The following SPHK2 variants were observed in gnomAD, a reference collection of about 807,000 sequenced individuals.
The protein encoded by SPHK2 is sphingosine kinase 2.
SPHK2 carries 18 observed loss-of-function variants against 32.3 expected under a neutral mutation model. The ratio of observed to expected loss-of-function variants is 0.56; its 90% CI spans 0.39 to 0.83. The LOEUF (loss-of-function observed/expected upper bound fraction) is 0.83. SPHK2 is among the 40% of genes least tolerant of loss of function. The pLI is 0.00. For synonymous variants in SPHK2, 462 were observed against 417.6 expected, an observed-to-expected ratio of 1.11 and a Z score of -1.30; for missense variants, 850 against 908.7, an observed-to-expected ratio of 0.94 and a Z score of 0.83.
In SPHK2 at chr19:48,629,623, C is replaced by A. The variant is rs768300835; in HGVS notation, c.1815C>A (p.Ala605=). 22 of 1,599,408 alleles carry A rather than the reference C, an allele frequency of 1.4e-5. No individual in the cohort carries two copies. Among genetic ancestry groups the A allele is most frequent in the Non-Finnish European group, 1.9e-5 (22 of 1,173,820 alleles). Residue 605 remains alanine (A), a synonymous_variant, in exon 7 of 7, where the codon GCC becomes GCA. Transcript: ENST00000245222. ...GTCCGCAGCTGGGCTACGCCGCGGC[C>A]CGTGCCTTCCGCCTAGAGCCGCTCA... ...LGCPQLGYAA[A]RAFRLEPLTP...
Position 48,629,877 on chromosome 19 carries a change from G to A in SPHK2, c.*104G>A, listed in dbSNP as rs1001582568. ...GGCTGCTAGAGTTGTGGTGGCAGGG[G>A]CCCTGGCCCCGTCTCAGGATTGCGC... On this transcript the variant is annotated 3_prime_UTR_variant, in exon 7 of 7. Coordinates refer to ENST00000245222, the MANE Select transcript of SPHK2 (RefSeq NM_020126.5). The A allele has an allele frequency of 4.8e-5, 70 of 1,459,942 alleles. No homozygotes were observed. The highest frequency in any genetic ancestry group is 5.8e-5 in the Non-Finnish European group (64 of 1,106,646). 90.4% of individuals were successfully genotyped at this position (1,459,942 alleles called of 1,614,324 possible). A position where few individuals can be genotyped will look rare whatever the true frequency, so the allele number is the denominator to read the frequency against.
rs748169874 is a variant in SPHK2 at position 48,629,167 on chromosome 19, G to A, written c.1359G>A (p.Leu453=). The A allele has an allele frequency of 6.2e-7, 1 of 1,613,280 alleles. No homozygotes were observed. The highest frequency in any genetic ancestry group is 1.3e-5 in the African/African-American group (1 of 74,924). The change falls in exon 7 of 7, where the codon CTG becomes CTA. Residue 453 remains leucine, a synonymous_variant. Coordinates refer to ENST00000245222, the MANE Select transcript of SPHK2 (RefSeq NM_020126.5). The part of the protein sequence containing the change: ...ILSLNGGGPE[L]AGDWGGAGDA... The stretch of plus-strand genomic sequence containing the variant: ...CCCTCAACGGTGGGGGCCCAGAGCT[G>A]GCTGGGGACTGGGGTGGGGCTGGGG...
At chr19:48,620,215 C>A (rs1336469817) in intron 1 of SPHK2, among the ~76,000 whole-genome samples, 187 bp from the exon 2 acceptor site, 1 of 152,200 alleles carries the variant, frequency 6.6e-6, no homozygotes, top group African/African-American at 2.4e-5. Flanking sequence ...AGCCTTCACT[C>A]CTATTATAGC....
In SPHK2 at chr19:48,629,309, C is replaced by G; in HGVS notation, c.1501C>G (p.Leu501Val). Residue 501 changes from leucine to valine, a missense_variant, in exon 7 of 7, where the codon CTT (leucine) becomes GTT (valine). Coordinates refer to ENST00000245222, the MANE Select transcript of SPHK2 (RefSeq NM_020126.5). ...AATTCCCCCATCCTCTGGGCTCCCA[C>G]TTCCCACCCCTGATGCCCGGGTAGG... ...PVIPPSSGLP[L>V]PTPDARVGAS... The G allele has an allele frequency of 7.4e-6, 12 of 1,613,432 alleles. No homozygotes were observed. The highest frequency in any genetic ancestry group is 1.0e-5 in the Non-Finnish European group (12 of 1,179,972).
chr19:48,625,286 T>C, intron 2 of SPHK2: 1 of 1,107,700 alleles, frequency 9.0e-7, no homozygotes, highest in Non-Finnish European at 1.1e-6. Flanking sequence ...TTTCATCGCC[T>C]GAGTTTCACC....
chr19:48,629,755 C>A lies in SPHK2; in HGVS notation c.1947C>A (p.Cys649Ter). Reference sequence around the variant, plus strand: ...CACTGCTCACTGGGCCTCCTGGCTGCCCGGGGCGGGAGCCCTGAAACTAAA... The same window carrying A: ...CACTGCTCACTGGGCCTCCTGGCTGACCGGGGCGGGAGCCCTGAAACTAAA... ...IGTLLTGPPG[C>*]PGREP Residue 649 changes from cysteine (C) to a stop codon, truncating the protein, a stop_gained, in exon 7 of 7, where the codon TGC (cysteine) becomes TGA (stop). Transcript: ENST00000245222. LOFTEE classifies it high-confidence loss of function. The A allele has an allele frequency of 6.3e-7, 1 of 1,579,444 alleles. No homozygotes were observed. The highest frequency in any genetic ancestry group is 2.3e-5 in the East Asian group (1 of 44,312).
chr19:48,629,869 T>G lies in SPHK2; in HGVS notation c.*96T>G. On this transcript the variant is annotated 3_prime_UTR_variant, in exon 7 of 7. Coordinates refer to ENST00000245222, the MANE Select transcript of SPHK2 (RefSeq NM_020126.5). ...TGTGGCCTGGCTGCTAGAGTTGTGG[T>G]GGCAGGGGCCCTGGCCCCGTCTCAG... 6.8e-7 allele frequency: 1 copy of G among 1,467,150 alleles called. No individual in the cohort carries two copies. The highest frequency in any genetic ancestry group is 1.4e-5 in the African/African-American group (1 of 70,490). The allele number at this position is 1,467,150 out of a possible 1,614,324, so 90.9% of individuals were successfully genotyped here. A position where few individuals can be genotyped will look rare whatever the true frequency, so the allele number is the denominator to read the frequency against.
In SPHK2 at chr19:48,629,199, C is replaced by A. The variant is rs147050661; in HGVS notation, c.1391C>A (p.Pro464Gln). 2.5e-6 allele frequency: 4 copies of A among 1,613,368 alleles called. No homozygotes were observed. Among genetic ancestry groups the A allele is most frequent in the African/African-American group, 1.3e-5 (1 of 74,930 alleles). ...AGDWGGAGDA[P>Q]LSPDPLLSSP... ...GACTGGGGTGGGGCTGGGGATGCTC[C>A]GCTGTCCCCGGACCCACTGCTGTCT... is the stretch of plus-strand genomic sequence containing the variant. The change falls in exon 7 of 7, where the codon CCG (proline) becomes CAG (glutamine). Residue 464 changes from proline to glutamine, a missense_variant. By Grantham distance (76) the Pro-to-Gln change is moderately conservative. Transcript: ENST00000245222.
At position 48,626,170 on chromosome 19, in the gene SPHK2, A is replaced by C; in HGVS notation, c.319A>C (p.Ser107Arg). The C allele has an allele frequency of 6.3e-7, 1 of 1,595,856 alleles. No individual in the cohort carries two copies. The highest frequency in any genetic ancestry group is 1.7e-5 in the Admixed American group (1 of 58,344). The part of the protein sequence containing the change: ...VSGCCTLRSR[S>R]PSDSAAYFCI... ...AGGCTGCTGCACCCTGCGAAGCCGC[A>C]GCCCCTCAGACTCAGCGGCCTACTT... The change falls in exon 3 of 7, where the codon AGC becomes CGC. Residue 107 changes from serine (S) to arginine (R), a missense_variant. By Grantham distance (110) the Ser-to-Arg change is moderately radical. Transcript: ENST00000245222.
rs374513451 is a variant in SPHK2, at chr19:48,628,330, G to A, written c.872+53G>A. On this transcript the variant is annotated intron_variant, in intron 6 of 6. Coordinates refer to ENST00000245222, the MANE Select transcript of SPHK2 (RefSeq NM_020126.5). This position sits in a 1 kb window ranked among gnomAD's most constrained non-coding sequence, Gnocchi z 5.2. Reference sequence around the variant, plus strand: ...GATGAGCCCCTCCTGGGGTGATAGGGACCCCTATATCTCCCACTCAGCCAA... The same window carrying A: ...GATGAGCCCCTCCTGGGGTGATAGGAACCCCTATATCTCCCACTCAGCCAA... 373 of 1,510,432 alleles carry A rather than the reference G, an allele frequency of 2.5e-4. 2 individuals carry two copies. The African/African-American group carries it at 4.3e-3, about 17-fold the overall frequency. The allele number at this position is 1,510,432 out of a possible 1,614,324, so 93.6% of individuals were successfully genotyped here. A position where few individuals can be genotyped will look rare whatever the true frequency, so the allele number is the denominator to read the frequency against.
chr19:48,625,375 TG>T (rs1407297495), intron 2 of SPHK2: 1 of 1,156,228 alleles, frequency 8.6e-7, no homozygotes, highest in Non-Finnish European at 1.1e-6. Context: ...ATTGTTTTGC[TG>T]TTTTACCCAC....
Position 48,626,198 on chromosome 19 carries a change from G to T in SPHK2, c.347G>T (p.Cys116Phe). The T allele has an allele frequency of 6.3e-7, 1 of 1,595,384 alleles. No individual in the cohort carries two copies. Among genetic ancestry groups the T allele is most frequent in the Non-Finnish European group, 8.5e-7 (1 of 1,174,180 alleles). The change falls in exon 3 of 7, where the codon TGC becomes TTC. Residue 116 changes from cysteine to phenylalanine, a missense_variant. Cys to Phe is a radical substitution (Grantham distance 205). Around this residue, in one of 2 missense-constraint regions of SPHK2, gnomAD observed 544 missense variants for 640.0 expected, o/e 0.85. Transcript: ENST00000245222. Reference protein sequence around the residue: ...RSPSDSAAYFCIYTYPRGRRG... With the variant: ...RSPSDSAAYFFIYTYPRGRRG... ...CCCTCAGACTCAGCGGCCTACTTCTGCATCTACACCTACCCTCGGGGCCGG... is the reference window on the plus strand; with the variant it reads ...CCCTCAGACTCAGCGGCCTACTTCTTCATCTACACCTACCCTCGGGGCCGG...
chr19:48,627,989 G>C lies in SPHK2; in HGVS notation c.676G>C (p.Ala226Pro). The C allele has an allele frequency of 6.3e-7, 1 of 1,586,624 alleles. No homozygotes were observed. The highest frequency in any genetic ancestry group is 8.6e-7 in the Non-Finnish European group (1 of 1,163,384). The change falls in exon 5 of 7, where the codon GCC becomes CCC. Residue 226 changes from alanine (A) to proline (P), a missense_variant. Coordinates refer to ENST00000245222, the MANE Select transcript of SPHK2 (RefSeq NM_020126.5). The stretch of plus-strand genomic sequence containing the variant: ...TCCCACTTCAGAACGACAGAACCAC[G>C]CCCGGGAGCTGGTCCAGGGGCTGAG... ...NLIQTERQNH[A>P]RELVQGLSLS...
intron 3 of SPHK2, 142 bp from the exon 4 acceptor site, chr19:48,627,550 A>G (rs2030022362): frequency 1.0e-6 from 1 of 971,848 alleles, no homozygotes; most frequent in South Asian, 1.8e-5. Context: ...GCAGGGCTGC[A>G]TACCTAGGCC....
chr19:48,627,312 G>C (rs1399563347), intron 3 of SPHK2, among the ~76,000 whole-genome samples: 1 of 152,230 alleles, frequency 6.6e-6, no homozygotes, highest in Non-Finnish European at 1.5e-5. Context: ...ACCACCCAGA[G>C]TGATGGGTGC....
At chr19:48,625,392 C>T (rs1974565427) in intron 2 of SPHK2, 1 of 1,175,216 alleles carries the variant, frequency 8.5e-7, no homozygotes, top group Non-Finnish European at 1.1e-6. Context: ...CCCACTGCAC[C>T]GTATGGGGGG....
At chr19:48,627,564 C>A in intron 3 of SPHK2, 128 bp from the exon 4 acceptor site, 2 of 1,157,876 alleles carry the variant, frequency 1.7e-6, no homozygotes, top group Non-Finnish European at 1.2e-6. Flanking sequence ...CTAGGCCTGG[C>A]CACATGAGAG....
intron 2 of SPHK2, 107 bp downstream of exon 2, chr19:48,620,660 A>C: frequency 4.1e-5 from 41 of 992,808 alleles, no homozygotes; most frequent in Non-Finnish European, 5.9e-5. Context: ...GTGGTAGCTC[A>C]AGCTTGTAAT....
chr19:48,625,868 C>A, intron 2 of SPHK2, 23 bp from the exon 3 acceptor site: 1 of 1,607,530 alleles, frequency 6.2e-7, no homozygotes, highest in East Asian at 2.2e-5. Flanking sequence ...AATTCTCACC[C>A]CTTCTCTCCT....
Sources: gnomAD v4.1 joint callset for allele counts (sites outside exome capture counted in the v4.1 genomes callset) on GRCh38, gnomAD v4.1.1 for gene constraint, gnomAD v4.1.1 regional missense constraint, Gnocchi (gnomAD v3.1) non-coding constraint, MANE v1.5 for transcripts, NCBI Gene and HGNC (gene_info 2026-07-23, HGNC 2026-07-21) for gene names.